Variants in TJP3 observed in about 807,000 individuals in gnomAD.
The protein encoded by TJP3 is tight junction protein ZO-3.
Under a neutral mutation model 104.2 loss-of-function variants are expected in TJP3, and 85 were observed. That is an observed-to-expected ratio of 0.82 (90% CI 0.68 to 0.98). TJP3 has a LOEUF of 0.98. Among genes scored for constraint, TJP3 ranks in the 50% least tolerant of loss-of-function variants. The probability of loss-of-function intolerance (pLI) is 0.00; values close to 1 mark genes in which losing one functional copy is unlikely to be tolerated. For synonymous variants in TJP3, 550 were observed against 550.6 expected, an observed-to-expected ratio of 1.00 and a Z score of 0.02; for missense variants, 1,367 against 1,322.8, an observed-to-expected ratio of 1.03 and a Z score of -0.52.
intron 1 of TJP3, among the ~76,000 whole-genome samples, chr19:3,726,373 G>A (rs959615567): frequency 4.6e-5 from 7 of 152,310 alleles, no homozygotes; most frequent in African/African-American, 9.6e-5. Flanking sequence ...CAAGGCGGGC[G>A]GATCACTTGA....
intron 1 of TJP3, among the ~76,000 whole-genome samples, chr19:3,726,030 A>T (rs2036592593): frequency 6.6e-6 from 1 of 152,040 alleles, no homozygotes; most frequent in African/African-American, 2.4e-5. Flanking sequence ...TGGCCTCGCT[A>T]GAGACGCTGG....
chr19:3,746,757 T>C lies in TJP3; in HGVS notation c.2222-19T>C, dbSNP rs543656904. 64 of 1,601,952 alleles carry C rather than the reference T, an allele frequency of 4.0e-5. No homozygotes were observed. Among genetic ancestry groups the C allele is most frequent in the Middle Eastern group, 3.3e-4 (2 of 6,044 alleles). On this transcript the variant is annotated intron_variant, in intron 17 of 20. Coordinates refer to ENST00000541714, the MANE Select transcript of TJP3 (RefSeq NM_001267560.2). This position sits in a 1 kb window ranked among gnomAD's most constrained non-coding sequence, Gnocchi z 4.1. ...CCCAGCCTGAGTCTCCTGCACACAC[T>C]GACGTCCCCTCCCTGCAGCCACCAT... is the stretch of plus-strand genomic sequence containing the variant.
intron 1 of TJP3, among the ~76,000 whole-genome samples, chr19:3,719,430 T>C (rs1298851719): frequency 6.6e-6 from 1 of 151,928 alleles, no homozygotes; most frequent in Non-Finnish European, 1.5e-5. Context: ...TGAACCTTCA[T>C]CTATAAAATA....
chr19:3,731,957 T>A lies in TJP3; in HGVS notation c.636T>A (p.Ser212Arg). 6.2e-7 allele frequency: 1 copy of A among 1,613,402 alleles called. No homozygotes were observed. Among genetic ancestry groups the A allele is most frequent in the Non-Finnish European group, 8.5e-7 (1 of 1,179,682 alleles). ...CAGAGTTTGGCGTCAAGCTGGGCAG[T>A]CAGATCTTCATCAAGCACATTACAG... ...DSEEFGVKLG[S>R]QIFIKHITDS... The change falls in exon 6 of 21, where the codon AGT (serine) becomes AGA (arginine). Residue 212 changes from serine to arginine, a missense_variant. Transcript: ENST00000541714.
rs1229638582 is a variant in TJP3, at chr19:3,747,838, C to G, written c.2367C>G (p.Gly789=). The change falls in exon 19 of 21, where the codon GGC becomes GGG. Residue 789 remains glycine (G), a synonymous_variant. Transcript: ENST00000541714. ...ACAACCTAGACCTCCCTCACCACGG[C>G]CTGGCCGACAGCTCCGCTGACCTCA... ...LEDNLDLPHH[G]LADSSADLSC... 3.1e-6 allele frequency: 5 copies of G among 1,609,174 alleles called. No homozygotes were observed. The highest frequency in any genetic ancestry group is 3.3e-5 in the Admixed American group (2 of 59,866).
chr19:3,735,763 G>A (rs1408560081), intron 9 of TJP3, 106 bp from the exon 10 acceptor site: 1 of 1,581,868 alleles, frequency 6.3e-7, no homozygotes, highest in Non-Finnish European at 8.7e-7. Flanking sequence ...TCCTGAGAAG[G>A]ACTCGAGGTG....
chr19:3,729,126 G>A (rs1017577975), intron 3 of TJP3, among the ~76,000 whole-genome samples: 13 of 152,128 alleles, frequency 8.5e-5, no homozygotes, highest in African/African-American at 1.4e-4. Flanking sequence ...CACAGGGCTC[G>A]GACTTGGCAG....
At chr19:3,725,521 G>A (rs1458224864) in intron 1 of TJP3, among the ~76,000 whole-genome samples, 4 of 151,900 alleles carry the variant, frequency 2.6e-5, no homozygotes, top group East Asian at 1.9e-4. Context: ...GTGAAACCCC[G>A]TCTCTACTAA....
intron 1 of TJP3, among the ~76,000 whole-genome samples, chr19:3,714,210 C>T (rs568581905): frequency 1.3e-5 from 2 of 152,080 alleles, no homozygotes; most frequent in African/African-American, 4.8e-5. Flanking sequence ...CCGCCACACC[C>T]GGCTAATTTT....
chr19:3,709,526 C>A (rs2145658319), intron 1 of TJP3, among the ~76,000 whole-genome samples: 1 of 152,266 alleles, frequency 6.6e-6, no homozygotes, highest in Admixed American at 6.5e-5. Flanking sequence ...TCATTTGCTC[C>A]CAAATGGGAA....
rs55944843 is a variant in TJP3 at position 3,741,630 on chromosome 19, G to GAAA, written c.1843+879_1843+881dup. Among the ~76,000 whole-genome samples, 1,121 of 131,036 alleles carry GAAA rather than the reference G, an allele frequency of 8.6e-3. 11 individuals are homozygous for GAAA. Among genetic ancestry groups the GAAA allele is most frequent in the African/African-American group, 0.027 (952 of 34,890 alleles). 86.0% of individuals were successfully genotyped at this position (131,036 alleles called of 152,430 possible). A position where few individuals can be genotyped will look rare whatever the true frequency, so the allele number is the denominator to read the frequency against. On this transcript the variant is annotated intron_variant, in intron 14 of 20. Transcript: ENST00000541714. ...CCACAGATTGACACTGTCTTCAAAA[G>GAAA]AAAAAAAAAAAAAAGCATGTTTCTA... is the stretch of plus-strand genomic sequence containing the variant.
At chr19:3,717,657 A>G (rs2036493889) in intron 1 of TJP3, among the ~76,000 whole-genome samples, 1 of 150,956 alleles carries the variant, frequency 6.6e-6, no homozygotes, top group Non-Finnish European at 1.5e-5. Context: ...CTGGCCTCCA[A>G]CTCCTGACTC....
At chr19:3,714,634 G>A (rs1205904855) in intron 1 of TJP3, among the ~76,000 whole-genome samples, 2 of 151,906 alleles carry the variant, frequency 1.3e-5, no homozygotes, top group African/African-American at 2.4e-5. Context: ...TAGGCCAGGC[G>A]CAGTGGCACA....
At chr19:3,722,354 G>C (rs1568379511) in intron 1 of TJP3, among the ~76,000 whole-genome samples, 1 of 152,138 alleles carries the variant, frequency 6.6e-6, no homozygotes, top group Non-Finnish European at 1.5e-5. Flanking sequence ...ATCCCCCTTT[G>C]CTGGGGGCGT....
In TJP3 at chr19:3,747,845, G is replaced by A. The variant is rs745434516; in HGVS notation, c.2374G>A (p.Asp792Asn). The A allele has an allele frequency of 5.1e-5, 82 of 1,610,414 alleles. No homozygotes were observed. The highest frequency in any genetic ancestry group is 6.3e-5 in the Non-Finnish European group (74 of 1,179,596). The change falls in exon 19 of 21, where the codon GAC becomes AAC. Residue 792 changes from aspartate (D) to asparagine (N), a missense_variant. Physicochemically the swap from Asp to Asn is conservative, Grantham distance 23. Coordinates refer to ENST00000541714, the MANE Select transcript of TJP3 (RefSeq NM_001267560.2). ...AGACCTCCCTCACCACGGCCTGGCC[G>A]ACAGCTCCGCTGACCTCAGCTGCGA... ...NLDLPHHGLA[D>N]SSADLSCDSR... is the part of the protein sequence containing the mutation.
At chr19:3,740,864 G>A (rs1337369278) in intron 14 of TJP3, 101 bp downstream of exon 14, 27 of 1,174,562 alleles carry the variant, frequency 2.3e-5, no homozygotes, top group Admixed American at 7.3e-5. Flanking sequence ...GTCTTGGCCC[G>A]GCGTGGTGGC....
Position 3,728,251 on chromosome 19 carries a change from C to T in TJP3, c.-9-173C>T, listed in dbSNP as rs372055582. 9.1e-6 allele frequency: 10 copies of T among 1,094,678 alleles called. No individual in the cohort carries two copies. The East Asian group carries it at 2.6e-4, about 29-fold the overall frequency. The allele number at this position is 1,094,678 out of a possible 1,614,324, so 67.8% of individuals were successfully genotyped here. A position where few individuals can be genotyped will look rare whatever the true frequency, so the allele number is the denominator to read the frequency against. ...CCAGACTCTGTCTCAAAAAATGAAA[C>T]AAAACAAAAAAACAAACAAAAAAAC... is the stretch of plus-strand genomic sequence containing the variant. On this transcript the variant is annotated intron_variant, in intron 1 of 20. Coordinates refer to ENST00000541714, the MANE Select transcript of TJP3 (RefSeq NM_001267560.2).
chr19:3,739,828 T>TGG (rs992250559), intron 13 of TJP3, among the ~76,000 whole-genome samples: 2 of 152,076 alleles, frequency 1.3e-5, no homozygotes, highest in Non-Finnish European at 2.9e-5. Context: ...CACAGCCTCT[T>TGG]CTAGTCTCTC....
In TJP3 at chr19:3,744,442, G is replaced by A. The variant is rs1165849047; in HGVS notation, c.1939+408G>A. 2.0e-5 allele frequency among the ~76,000 whole-genome samples: 3 copies of A among 152,014 alleles called. No homozygotes were observed. The South Asian group carries it at 6.2e-4, about 31-fold the overall frequency. ...GCACTTTGGGAGTCCGAGGCGGGTG[G>A]ATCACGAGGTCAAGAGATTGAGACC... On this transcript the variant is annotated intron_variant, in intron 15 of 20. Coordinates refer to ENST00000541714, the MANE Select transcript of TJP3 (RefSeq NM_001267560.2).
Sources: allele counts gnomAD v4.1 joint callset (sites outside exome capture counted in the v4.1 genomes callset), GRCh38; gene constraint gnomAD v4.1.1; non-coding constraint Gnocchi (gnomAD v3.1); transcripts MANE v1.5; gene names NCBI Gene and HGNC (gene_info 2026-07-23, HGNC 2026-07-21).